The following MAP3K4 variants were observed in gnomAD, a reference collection of about 807,000 sequenced individuals.
MAP3K4 encodes mitogen-activated protein kinase kinase kinase 4, also known as MAP three kinase 1.
A neutral mutation model predicts 185.6 loss-of-function variants in MAP3K4; 67 were observed. The observed-to-expected ratio is 0.36, with a 90% CI of 0.30 to 0.44. The LOEUF is 0.44. Ranked by LOEUF, MAP3K4 falls within the 20% of genes least tolerant of loss-of-function variation. The probability of loss-of-function intolerance (pLI) is 1.00; values close to 1 mark genes in which losing one functional copy is unlikely to be tolerated. For missense variants in MAP3K4, 1,551 were observed against 1,995.1 expected, an observed-to-expected ratio of 0.78 and a Z score of 4.24; for synonymous variants, 702 against 710.4, an observed-to-expected ratio of 0.99 and a Z score of 0.19.
chr6:161,059,417 G>A (rs905710311), intron 3 of MAP3K4, among the ~76,000 whole-genome samples: 1 of 152,170 alleles, frequency 6.6e-6, no homozygotes, highest in Non-Finnish European at 1.5e-5. Context: ...GATTACAGGC[G>A]TGAGCCACTG....
Position 161,112,889 on chromosome 6 carries a change from C to T in MAP3K4, c.4626+115C>T, listed in dbSNP as rs558185779. On this transcript the variant is annotated intron_variant, in intron 25 of 26. Transcript: ENST00000392142. The surrounding 1 kb of genome is among the most constrained non-coding windows in gnomAD (Gnocchi z 5.1). ...AACACTGTGGACACTAAATAGCGAA[C>T]GATATTAGATACAAAAATCTGATCC... 5.2e-5 allele frequency: 29 copies of T among 561,638 alleles called. No homozygotes were observed. The highest frequency in any genetic ancestry group is 4.7e-4 in the Admixed American group (12 of 25,662). The allele number at this position is 561,638 out of a possible 1,614,324, so 34.8% of individuals were successfully genotyped here.
chr6:161,087,808 G>A lies in MAP3K4; in HGVS notation c.2677G>A (p.Asp893Asn). 6.2e-7 allele frequency: 1 copy of A among 1,614,186 alleles called. No homozygotes were observed. Among genetic ancestry groups the A allele is most frequent in the Non-Finnish European group, 8.5e-7 (1 of 1,180,036 alleles). Residue 893 changes from aspartate (D) to asparagine (N), a missense_variant, in exon 10 of 27, where the codon GAT (aspartate) becomes AAT (asparagine). Coordinates refer to ENST00000392142, the MANE Select transcript of MAP3K4 (RefSeq NM_005922.4). This position sits in a 1 kb window ranked among gnomAD's most constrained non-coding sequence, Gnocchi z 4.9. ...AAGKDCSKDS[D>N]DVLIDAYLLL... ...AGGAAAGGACTGTTCAAAAGATTCA[G>A]ATGACGTACTCATCGATGCCTATCT...
chr6:161,102,779 G>A lies in MAP3K4; in HGVS notation c.3856G>A (p.Asp1286Asn). The A allele has an allele frequency of 7.5e-7, 1 of 1,327,824 alleles. No individual in the cohort carries two copies. Among genetic ancestry groups the A allele is most frequent in the Non-Finnish European group, 1.0e-6 (1 of 957,570 alleles). 82.3% of individuals were successfully genotyped at this position (1,327,824 alleles called of 1,614,324 possible). The change falls in exon 19 of 27, where the codon GAT becomes AAT. Residue 1286 changes from aspartate to asparagine, a missense_variant and splice_region_variant. Asp to Asn is a conservative substitution (Grantham distance 23). Transcript: ENST00000392142. ...TCGGACACTAATCAGCCAGAGTAAA[G>A]GTGAGAGAAAGAGTGTTGAAGTTAA... is the stretch of plus-strand genomic sequence containing the variant. ...ELRTLISQSK[D>N]TASKLGPIEA...
Position 161,115,577 on chromosome 6 carries a change from T to A in MAP3K4, c.4806+275T>A, listed in dbSNP as rs1583256004. Reference sequence around the variant, plus strand: ...TGGGACTGGATGAAAGAGTTTCCACTCTTGAGAGTGTATAGTCTACTTGGA... The same window carrying A: ...TGGGACTGGATGAAAGAGTTTCCACACTTGAGAGTGTATAGTCTACTTGGA... On this transcript the variant is annotated intron_variant, in intron 26 of 26. Transcript: ENST00000392142. The surrounding 1 kb of genome is among the most constrained non-coding windows in gnomAD (Gnocchi z 6.0). Among the ~76,000 whole-genome samples, 1 of 152,174 alleles carries A rather than the reference T, an allele frequency of 6.6e-6. No individual in the cohort carries two copies. Among genetic ancestry groups the A allele is most frequent in the East Asian group, 1.9e-4 (1 of 5,200 alleles).
intron 1 of MAP3K4, among the ~76,000 whole-genome samples, chr6:161,023,762 A>AGTT (rs1224188738): frequency 6.6e-6 from 1 of 152,246 alleles, no homozygotes; most frequent in Non-Finnish European, 1.5e-5. Flanking sequence ...ATCATTTTGA[A>AGTT]GTTGTTTACA....
At chr6:161,011,750 G>A (rs1781851353) in intron 1 of MAP3K4, among the ~76,000 whole-genome samples, 1 of 152,164 alleles carries the variant, frequency 6.6e-6, no homozygotes, top group Admixed American at 6.6e-5. Context: ...AAAAGGGAGA[G>A]CAGTTAGCCA....
intron 1 of MAP3K4, among the ~76,000 whole-genome samples, chr6:160,997,335 A>G (rs1421194352): frequency 6.6e-6 from 1 of 152,202 alleles, no homozygotes; most frequent in African/African-American, 2.4e-5. Flanking sequence ...GTGCTTTCAT[A>G]AAATTCTTTT....
chr6:161,024,911 G>A (rs1472937215), intron 1 of MAP3K4, among the ~76,000 whole-genome samples: 3 of 152,236 alleles, frequency 2.0e-5, no homozygotes, highest in Non-Finnish European at 4.4e-5. Flanking sequence ...TTTCTGTACA[G>A]GAGATACGTA....
intron 2 of MAP3K4, among the ~76,000 whole-genome samples, chr6:161,039,614 C>T (rs1783350256): frequency 6.6e-6 from 1 of 152,084 alleles, no homozygotes; most frequent in African/African-American, 2.4e-5. Flanking sequence ...GTGCTAATTT[C>T]CTGCAAATCA....
Position 161,063,802 on chromosome 6 carries a change from ACT to A in MAP3K4, c.1708-6803_1708-6802del, listed in dbSNP as rs1181190579. ...CTAATTTCACAGAAGTTCTCTGTAG[ACT>A]CTGTGAGCTTTTCATAGAGCACTCA... On this transcript the variant is annotated intron_variant, in intron 3 of 26. Transcript: ENST00000392142. This position sits in a 1 kb window ranked among gnomAD's most constrained non-coding sequence, Gnocchi z 5.4. Among the ~76,000 whole-genome samples the A allele has an allele frequency of 1.3e-5, 2 of 152,072 alleles. No homozygotes were observed. The highest frequency in any genetic ancestry group is 1.9e-4 in the East Asian group (1 of 5,168).
Position 161,073,724 on chromosome 6 carries a change from CT to C in MAP3K4, c.2097+114del. 9.3e-7 allele frequency: 1 copy of C among 1,079,078 alleles called. No homozygotes were observed. The highest frequency in any genetic ancestry group is 1.3e-6 in the Non-Finnish European group (1 of 767,528). 66.8% of individuals were successfully genotyped at this position (1,079,078 alleles called of 1,614,324 possible). A position where few individuals can be genotyped will look rare whatever the true frequency, so the allele number is the denominator to read the frequency against. On this transcript the variant is annotated intron_variant, in intron 5 of 26. Transcript: ENST00000392142. The surrounding 1 kb of genome is among the most constrained non-coding windows in gnomAD (Gnocchi z 4.2). Reference sequence around the variant, plus strand: ...GCGTTGGCATACATATTCAGATAAACTTCTCTAGTAATGAATTATAGAAATG... The same window carrying C: ...GCGTTGGCATACATATTCAGATAAACTCTCTAGTAATGAATTATAGAAATG...
In MAP3K4 at chr6:161,108,934, AG is replaced by A. The variant is rs1271124544; in HGVS notation, c.4236+77del. 1.2e-6 allele frequency: 2 copies of A among 1,603,290 alleles called. No homozygotes were observed. Among genetic ancestry groups the A allele is most frequent in the Non-Finnish European group, 8.5e-7 (1 of 1,170,390 alleles). ...AGAATGGAGTCCTGTTCTACATCAC[AG>A]GTCTTCTCATTTCAGAGCACAGTAA... On this transcript the variant is annotated intron_variant, in intron 22 of 26. Transcript: ENST00000392142. This position sits in a 1 kb window ranked among gnomAD's most constrained non-coding sequence, Gnocchi z 5.7.
chr6:161,038,901 G>C (rs9295136), intron 2 of MAP3K4, among the ~76,000 whole-genome samples: 3 of 152,160 alleles, frequency 2.0e-5, no homozygotes, highest in Non-Finnish European at 2.9e-5. Flanking sequence ...AACAGCTGAG[G>C]GCTGCTGGCA....
At position 161,103,321 on chromosome 6, in the gene MAP3K4, A is replaced by G. The variant is rs1777915986; in HGVS notation, c.3856+542A>G. Among the ~76,000 whole-genome samples the G allele has an allele frequency of 6.6e-6, 1 of 152,236 alleles. No homozygotes were observed. The highest frequency in any genetic ancestry group is 6.5e-5 in the Admixed American group (1 of 15,290). ...GGCCAAGGTAGTAAATGAGAGGGTG[A>G]GGACCAGAAGGCACTTGTCTCAAGT... On this transcript the variant is annotated intron_variant, in intron 19 of 26. Coordinates refer to ENST00000392142, the MANE Select transcript of MAP3K4 (RefSeq NM_005922.4). The surrounding 1 kb of genome is among the most constrained non-coding windows in gnomAD (Gnocchi z 4.6).
intron 1 of MAP3K4, among the ~76,000 whole-genome samples, chr6:161,021,082 T>C (rs1484116013): frequency 2.0e-5 from 3 of 152,372 alleles, no homozygotes; most frequent in Admixed American, 6.5e-5. Flanking sequence ...AAGAAAGTTA[T>C]AGTTTTCATG....
chr6:161,026,319 T>A (rs1782652447), intron 1 of MAP3K4, among the ~76,000 whole-genome samples: 1 of 151,750 alleles, frequency 6.6e-6, no homozygotes, highest in Non-Finnish European at 1.5e-5. Flanking sequence ...GTATGTTTAG[T>A]AAAGACGGGG....
chr6:161,021,345 CGGATT>C (rs1782376762), intron 1 of MAP3K4, among the ~76,000 whole-genome samples: 1 of 152,156 alleles, frequency 6.6e-6, no homozygotes, highest in South Asian at 2.1e-4. Context: ...TTCTGGGACT[CGGATT>C]CACTCCGCCT....
chr6:161,051,752 C>T lies in MAP3K4; in HGVS notation c.1707+1773C>T, dbSNP rs1187990414. 6.6e-6 allele frequency among the ~76,000 whole-genome samples: 1 copy of T among 152,188 alleles called. No individual in the cohort carries two copies. The highest frequency in any genetic ancestry group is 1.5e-5 in the Non-Finnish European group (1 of 68,028). Reference sequence around the variant, plus strand: ...GTATTTACATACAACCTATGTGCATCCTCCTGTATGCTTTAAATCATCTAT... The same window carrying T: ...GTATTTACATACAACCTATGTGCATTCTCCTGTATGCTTTAAATCATCTAT... On this transcript the variant is annotated intron_variant, in intron 3 of 26. Transcript: ENST00000392142. The surrounding 1 kb of genome is among the most constrained non-coding windows in gnomAD (Gnocchi z 4.2).
intron 1 of MAP3K4, among the ~76,000 whole-genome samples, chr6:161,031,750 A>T (rs149095070): frequency 7.9e-5 from 12 of 152,314 alleles, no homozygotes; most frequent in African/African-American, 2.6e-4. Flanking sequence ...TTTACAACTG[A>T]ATTTCCTGAA....
Sources: gnomAD v4.1 joint callset for allele counts (sites outside exome capture counted in the v4.1 genomes callset) on GRCh38, gnomAD v4.1.1 for gene constraint, Gnocchi (gnomAD v3.1) non-coding constraint, MANE v1.5 for transcripts, NCBI Gene and HGNC (gene_info 2026-07-23, HGNC 2026-07-21) for gene names.